The following GABRB2 variants were observed in gnomAD, a reference collection of about 807,000 sequenced individuals.
GABRB2 encodes gamma-aminobutyric acid type A receptor subunit beta2.
A neutral mutation model predicts 54.7 loss-of-function variants in GABRB2; 16 were observed. The observed-to-expected ratio is 0.29, with a 90% CI of 0.20 to 0.44. The LOEUF (loss-of-function observed/expected upper bound fraction) is 0.44. GABRB2 is among the 20% of genes least tolerant of loss of function. The pLI, the probability that GABRB2 is intolerant of heterozygous loss-of-function variation, is 1.00. For missense variants in GABRB2, 355 were observed against 644.0 expected, an observed-to-expected ratio of 0.55 and a Z score of 4.86; for synonymous variants, 244 against 233.8, an observed-to-expected ratio of 1.04 and a Z score of -0.40.
At chr5:161,360,492 C>A (rs1431661040) in intron 5 of GABRB2, among the ~76,000 whole-genome samples, 2 of 152,210 alleles carry the variant, frequency 1.3e-5, no homozygotes, top group Non-Finnish European at 2.9e-5. Context: ...TTCTCTCTCT[C>A]TCTTCAACAG....
chr5:161,390,022 C>T lies in GABRB2; in HGVS notation c.541+20953G>A, dbSNP rs536875034. On this transcript the variant is annotated intron_variant, in intron 5 of 9. Coordinates refer to ENST00000393959, the MANE Select transcript of GABRB2 (RefSeq NM_001371727.1). ...AGGGCTGTTTGACAATAACAGTAGG[C>T]AATGTATAATTAGGCAACATATATT... is the stretch of plus-strand genomic sequence containing the variant. Among the ~76,000 whole-genome samples the T allele has an allele frequency of 4.1e-4, 63 of 152,042 alleles. No individual in the cohort carries two copies. The East Asian group carries it at 0.012, about 29-fold the overall frequency.
intron 3 of GABRB2, among the ~76,000 whole-genome samples, chr5:161,499,745 C>T (rs1759369491): frequency 6.6e-6 from 1 of 152,170 alleles, no homozygotes; most frequent in Non-Finnish European, 1.5e-5. Flanking sequence ...ATGGAAAGGT[C>T]AAGCGTTCTG....
At chr5:161,449,456 C>T (rs1757726931) in intron 4 of GABRB2, among the ~76,000 whole-genome samples, 2 of 152,134 alleles carry the variant, frequency 1.3e-5, no homozygotes, top group African/African-American at 2.4e-5. Flanking sequence ...ACTAGTCTAA[C>T]TCTGTATGTT....
intron 5 of GABRB2, among the ~76,000 whole-genome samples, chr5:161,354,387 T>A (rs907985834): frequency 6.6e-6 from 1 of 152,028 alleles, no homozygotes; most frequent in Non-Finnish European, 1.5e-5. Context: ...ACTGTGAGAC[T>A]CTCTAATATT....
chr5:161,411,843 G>A (rs1200230284), intron 4 of GABRB2, among the ~76,000 whole-genome samples: 1 of 151,542 alleles, frequency 6.6e-6, no homozygotes, highest in Admixed American at 6.6e-5. Flanking sequence ...AGTTATCAAG[G>A]TATGTTTTCT....
intron 5 of GABRB2, among the ~76,000 whole-genome samples, chr5:161,409,676 G>T (rs943582857): frequency 6.6e-6 from 1 of 152,036 alleles, no homozygotes; most frequent in Non-Finnish European, 1.5e-5. Context: ...ACATAGCAAC[G>T]TGCTTATTTC....
chr5:161,301,958 T>G (rs920875151), intron 9 of GABRB2, among the ~76,000 whole-genome samples: 2 of 152,242 alleles, frequency 1.3e-5, no homozygotes, highest in Non-Finnish European at 2.9e-5. Context: ...CTATCTATTC[T>G]GGAAATCATG....
intron 9 of GABRB2, among the ~76,000 whole-genome samples, chr5:161,318,424 T>C (rs751898670): frequency 3.3e-5 from 5 of 152,170 alleles, no homozygotes; most frequent in Non-Finnish European, 7.4e-5. Flanking sequence ...GTTAGATATA[T>C]GGTATTATAT....
chr5:161,388,722 C>A (rs986219076), intron 5 of GABRB2, among the ~76,000 whole-genome samples: 1 of 151,710 alleles, frequency 6.6e-6, no homozygotes, highest in African/African-American at 2.4e-5. Flanking sequence ...CTTTTTTTAG[C>A]TTTTTACTAC....
At chr5:161,339,990 C>G (rs185573844) in intron 5 of GABRB2, among the ~76,000 whole-genome samples, 1 of 151,832 alleles carries the variant, frequency 6.6e-6, no homozygotes, top group Admixed American at 6.6e-5. Context: ...AGCCATCTTC[C>G]AAAGAAGAGA....
At chr5:161,397,865 T>G (rs1756052329) in intron 5 of GABRB2, among the ~76,000 whole-genome samples, 1 of 152,226 alleles carries the variant, frequency 6.6e-6, no homozygotes, top group Non-Finnish European at 1.5e-5. Flanking sequence ...GAATCCTGAC[T>G]TCACATCTTA....
chr5:161,463,555 T>TATATATATATATATA (rs1236064276), intron 3 of GABRB2, among the ~76,000 whole-genome samples: 1 of 23,700 alleles, frequency 4.2e-5, no homozygotes, highest in Non-Finnish European at 7.1e-5. Context: ...ATATTTTTAT[T>TATATATATATATATA]TATATATATA....
chr5:161,531,573 A>G (rs1349396209), intron 3 of GABRB2, among the ~76,000 whole-genome samples: 1 of 152,158 alleles, frequency 6.6e-6, no homozygotes, highest in Non-Finnish European at 1.5e-5. Flanking sequence ...GTTGCAAGGT[A>G]GGAATAAATG....
chr5:161,330,102 G>A (rs1007356820), intron 8 of GABRB2: 1 of 151,102 alleles, frequency 6.6e-6, no homozygotes, highest in African/African-American at 2.4e-5. Context: ...CAAGGCTTCA[G>A]TATTTTTTTT....
At chr5:161,407,537 A>G (rs902327762) in intron 5 of GABRB2, among the ~76,000 whole-genome samples, 2 of 152,104 alleles carry the variant, frequency 1.3e-5, no homozygotes, top group Non-Finnish European at 2.9e-5. Flanking sequence ...ACTAGAACTC[A>G]TTCCTAAACA....
At chr5:161,325,051 A>G (rs1758324141) in intron 9 of GABRB2, among the ~76,000 whole-genome samples, 1 of 152,084 alleles carries the variant, frequency 6.6e-6, no homozygotes, top group Admixed American at 6.5e-5. Context: ...AGTCTTTACA[A>G]TAATCATGTA....
intron 5 of GABRB2, among the ~76,000 whole-genome samples, chr5:161,407,340 T>C (rs528419876): frequency 1.1e-4 from 17 of 152,252 alleles, no homozygotes; most frequent in African/African-American, 3.8e-4. Context: ...CTATTTTTTA[T>C]ATCTGGATGG....
intron 4 of GABRB2, among the ~76,000 whole-genome samples, chr5:161,429,734 A>G (rs1376355038): frequency 1.3e-5 from 2 of 152,216 alleles, no homozygotes; most frequent in Non-Finnish European, 1.5e-5. Context: ...TGCTAAAATT[A>G]TAAGGGATTT....
At chr5:161,497,627 C>T (rs986005551) in intron 3 of GABRB2, among the ~76,000 whole-genome samples, 1 of 151,834 alleles carries the variant, frequency 6.6e-6, no homozygotes, top group African/African-American at 2.4e-5. Flanking sequence ...CTGATGAACA[C>T]CTGCAAAGCC....
Sources: allele counts gnomAD v4.1 joint callset (sites outside exome capture counted in the v4.1 genomes callset), GRCh38; gene constraint gnomAD v4.1.1; transcripts MANE v1.5; gene names NCBI Gene and HGNC (gene_info 2026-07-23, HGNC 2026-07-21).